Variants in COP1 observed in about 807,000 individuals in gnomAD.
The protein encoded by COP1 is E3 ubiquitin-protein ligase COP1.
A neutral mutation model predicts 101.3 loss-of-function variants in COP1; 24 were observed. The observed-to-expected ratio is 0.24, with a 90% CI of 0.17 to 0.33. The LOEUF is 0.33. COP1 is among the 10% of genes least tolerant of loss of function. The pLI is 1.00. For synonymous variants in COP1, 347 were observed against 341.9 expected, an observed-to-expected ratio of 1.01 and a Z score of -0.17; for missense variants, 663 against 906.2, an observed-to-expected ratio of 0.73 and a Z score of 3.45.
At chr1:176,034,462 T>C (rs1669150690) in intron 14 of COP1, among the ~76,000 whole-genome samples, 2 of 152,188 alleles carry the variant, frequency 1.3e-5, no homozygotes, top group Admixed American at 1.3e-4. Context: ...GAATCCCCAT[T>C]ATATTTTTCT....
chr1:176,186,658 G>A (rs1477623662), intron 1 of COP1, among the ~76,000 whole-genome samples: 1 of 152,192 alleles, frequency 6.6e-6, no homozygotes, highest in Non-Finnish European at 1.5e-5. Context: ...GGAGTGATGG[G>A]ATTTGACACA....
chr1:176,056,462 ATTAGAC>A (rs1673507057), intron 11 of COP1, among the ~76,000 whole-genome samples: 1 of 152,178 alleles, frequency 6.6e-6, no homozygotes, highest in African/African-American at 2.4e-5. Flanking sequence ...GATACTTACA[ATTAGAC>A]TTAAACTTCA....
chr1:176,043,812 G>A lies in COP1; in HGVS notation c.1428C>T (p.Ile476=), dbSNP rs1671041037. ...GGTTCTTATGGTAACTACTCCAACT[G>A]ATACAGCTGAAAGAAATACAGTTAA... The part of the protein sequence containing the change: ...EMTCNSKISC[I]SWSSYHKNLL... Residue 476 remains isoleucine, a synonymous_variant, in exon 13 of 20, where the codon ATC becomes ATT. Transcript: ENST00000367669. 1 of 1,563,486 alleles carries A rather than the reference G, an allele frequency of 6.4e-7. No individual in the cohort carries two copies. Among genetic ancestry groups the A allele is most frequent in the African/African-American group, 1.4e-5 (1 of 73,752 alleles).
chr1:176,071,227 ACT>A (rs1676948243), intron 11 of COP1, among the ~76,000 whole-genome samples: 1 of 150,900 alleles, frequency 6.6e-6, no homozygotes, highest in Admixed American at 6.6e-5. Context: ...CTCCCCCCTC[ACT>A]CTCTCTCACT....
At chr1:176,096,556 CA>C (rs1406320793) in intron 9 of COP1, among the ~76,000 whole-genome samples, 1 of 152,206 alleles carries the variant, frequency 6.6e-6, no homozygotes, top group East Asian at 1.9e-4. Context: ...TGGTCTGAGC[CA>C]GGGGGAAAGG....
intron 11 of COP1, among the ~76,000 whole-genome samples, chr1:176,071,334 T>C (rs907768876): frequency 3.3e-5 from 5 of 152,290 alleles, no homozygotes; most frequent in Non-Finnish European, 5.9e-5. Flanking sequence ...GCCAGCACCA[T>C]GTTTCCTGCA....
chr1:176,057,361 T>C (rs903554001), intron 11 of COP1, among the ~76,000 whole-genome samples: 4 of 152,076 alleles, frequency 2.6e-5, no homozygotes, highest in Non-Finnish European at 2.9e-5. Flanking sequence ...TCCCTCTCTT[T>C]CCACGATCTC....
At position 176,058,243 on chromosome 1, in the gene COP1, G is replaced by A. The variant is rs868419769; in HGVS notation, c.1278-11919C>T. Among the ~76,000 whole-genome samples the A allele has an allele frequency of 1.5e-3, 234 of 151,732 alleles. 2 individuals carry two copies. Among genetic ancestry groups the A allele is most frequent in the African/African-American group, 5.6e-3 (230 of 41,410 alleles). On this transcript the variant is annotated intron_variant, in intron 11 of 19. Coordinates refer to ENST00000367669, the MANE Select transcript of COP1 (RefSeq NM_022457.7). The stretch of plus-strand genomic sequence containing the variant: ...TGGGAAGTGAGGAGCCCCTCTGCCC[G>A]GCCACCACCCCGTCTGGGAGGTGTA...
chr1:176,143,146 A>AGAGAGCGAG (rs1553286862), intron 6 of COP1, among the ~76,000 whole-genome samples: 38 of 66,598 alleles, frequency 5.7e-4, no homozygotes, highest in African/African-American at 1.8e-3. Flanking sequence ...GAGCGAGAGA[A>AGAGAGCGAG]AGAGAGAGAG....
intron 18 of COP1, among the ~76,000 whole-genome samples, chr1:175,966,788 T>G (rs1285066113): frequency 6.6e-6 from 1 of 152,160 alleles, no homozygotes; most frequent in African/African-American, 2.4e-5. Flanking sequence ...CTTTTATATA[T>G]CTCCCTATAA....
intron 18 of COP1, among the ~76,000 whole-genome samples, chr1:175,972,835 T>C (rs930863678): frequency 6.6e-6 from 1 of 152,154 alleles, no homozygotes; most frequent in Non-Finnish European, 1.5e-5. Context: ...ATAAGCCTTA[T>C]TTATTTAATT....
intron 15 of COP1, among the ~76,000 whole-genome samples, chr1:176,007,136 C>T (rs528204254): frequency 2.0e-5 from 3 of 152,270 alleles, no homozygotes; most frequent in Admixed American, 6.5e-5. Flanking sequence ...TTGATCGCAT[C>T]GGCTCCTGAG....
intron 6 of COP1, among the ~76,000 whole-genome samples, chr1:176,144,419 T>G (rs1045880066): frequency 2.6e-5 from 4 of 152,060 alleles, no homozygotes; most frequent in Non-Finnish European, 5.9e-5. Context: ...TATAAAAATT[T>G]TAAGGCTATT....
At chr1:176,057,463 T>C (rs1375941619) in intron 11 of COP1, among the ~76,000 whole-genome samples, 1 of 152,168 alleles carries the variant, frequency 6.6e-6, no homozygotes, top group Non-Finnish European at 1.5e-5. Flanking sequence ...GCCTGCCGAG[T>C]GCCTGCGATT....
chr1:176,179,190 C>T (rs372605130), intron 2 of COP1, among the ~76,000 whole-genome samples: 1 of 150,042 alleles, frequency 6.7e-6, no homozygotes, highest in Non-Finnish European at 1.5e-5. Context: ...CTCAGTAGGC[C>T]GAGGCAGGAA....
chr1:176,011,215 G>T (rs905349130), intron 15 of COP1, among the ~76,000 whole-genome samples: 2 of 152,110 alleles, frequency 1.3e-5, no homozygotes, highest in African/African-American at 4.8e-5. Flanking sequence ...GCCACATGTG[G>T]TTATTTAAGT....
chr1:176,182,455 G>C (rs752536161), intron 2 of COP1, among the ~76,000 whole-genome samples: 2 of 152,202 alleles, frequency 1.3e-5, no homozygotes, highest in Non-Finnish European at 2.9e-5. Flanking sequence ...AGACATTTTT[G>C]GTTGTCACAA....
chr1:175,974,666 A>C (rs1358995791), intron 18 of COP1, among the ~76,000 whole-genome samples: 1 of 152,214 alleles, frequency 6.6e-6, no homozygotes, highest in Non-Finnish European at 1.5e-5. Flanking sequence ...GAAATCCTAG[A>C]AATATACAAA....
intron 2 of COP1, among the ~76,000 whole-genome samples, chr1:176,181,401 A>G (rs1697733308): frequency 6.8e-6 from 1 of 146,116 alleles, no homozygotes; most frequent in Admixed American, 7.2e-5. Flanking sequence ...GTAAATAATT[A>G]TAAACTTTTG....
Sources: allele counts gnomAD v4.1 joint callset (sites outside exome capture counted in the v4.1 genomes callset), GRCh38; gene constraint gnomAD v4.1.1; transcripts MANE v1.5; gene names NCBI Gene and HGNC (gene_info 2026-07-23, HGNC 2026-07-21).